The following MSANTD2 variants were observed in gnomAD, a reference collection of about 807,000 sequenced individuals.
The protein encoded by MSANTD2 is myb/SANT-like DNA-binding domain-containing protein 2.
A neutral mutation model predicts 52.6 loss-of-function variants in MSANTD2; 19 were observed. The observed-to-expected ratio is 0.36, with a 90% CI of 0.25 to 0.53. MSANTD2 has a LOEUF of 0.53. Among genes scored for constraint, MSANTD2 ranks in the 20% least tolerant of loss-of-function variants. MSANTD2 has a pLI of 0.91. For synonymous variants in MSANTD2, 291 were observed against 289.7 expected, an observed-to-expected ratio of 1.00 and a Z score of -0.04; for missense variants, 558 against 716.3, an observed-to-expected ratio of 0.78 and a Z score of 2.52.
chr11:124,787,541 C>T lies in MSANTD2; in HGVS notation c.510+12330G>A, dbSNP rs147240455. On this transcript the variant is annotated intron_variant, in intron 1 of 3. Transcript: ENST00000374979. ...GACTATAGGTGTGCACCACCAAACC[C>T]GGCTAATTTTTGTATTTTTAGTAGA... 7.9e-5 allele frequency among the ~76,000 whole-genome samples: 12 copies of T among 152,214 alleles called. No homozygotes were observed. In the East Asian group the frequency reaches 1.7e-3, roughly 22 times the overall value.
intron 1 of MSANTD2, chr11:124,791,878 G>A: frequency 2.4e-6 from 1 of 412,304 alleles, no homozygotes; most frequent in Non-Finnish European, 4.6e-6. Context: ...TGGAGTGTCT[G>A]CCTTCAATTA....
intron 1 of MSANTD2, chr11:124,775,873 T>C (rs1274915670): frequency 6.6e-6 from 1 of 152,266 alleles, no homozygotes; most frequent in Non-Finnish European, 1.5e-5. Flanking sequence ...CCATGGTCTT[T>C]ATTTCTAACA....
At chr11:124,787,135 T>C (rs907966849) in intron 1 of MSANTD2, among the ~76,000 whole-genome samples, 3 of 152,182 alleles carry the variant, frequency 2.0e-5, no homozygotes, top group Non-Finnish European at 2.9e-5. Context: ...ATTATTATAA[T>C]TATTACAAAA....
At chr11:124,782,853 CTAAAA>C (rs1945027793) in intron 1 of MSANTD2, among the ~76,000 whole-genome samples, 4 of 152,098 alleles carry the variant, frequency 2.6e-5, no homozygotes, top group Admixed American at 2.6e-4. Flanking sequence ...CATTGCTTAA[CTAAAA>C]TAAATTATCA....
chr11:124,779,009 T>A lies in MSANTD2; in HGVS notation c.511-4035A>T, dbSNP rs61910628. The A allele has an allele frequency of 6.6e-6, 1 of 152,094 alleles. No homozygotes were observed. The highest frequency in any genetic ancestry group is 2.4e-5 in the African/African-American group (1 of 41,392). 9.4% of individuals were successfully genotyped at this position (152,094 alleles called of 1,614,324 possible). A position where few individuals can be genotyped will look rare whatever the true frequency, so the allele number is the denominator to read the frequency against. ...GCACAATGCAGCTATCTTGCCAAAG[T>A]AAGTAAATCCAGTATTGGGTTGTAT... On this transcript the variant is annotated intron_variant, in intron 1 of 3. Transcript: ENST00000374979. The surrounding 1 kb of genome is among the most constrained non-coding windows in gnomAD (Gnocchi z 4.6).
At chr11:124,795,185 A>G (rs1051517989) in intron 1 of MSANTD2, among the ~76,000 whole-genome samples, 1 of 152,124 alleles carries the variant, frequency 6.6e-6, no homozygotes, top group Admixed American at 6.6e-5. Flanking sequence ...GGCCTCTTTT[A>G]CCATTTTTAA....
chr11:124,784,346 A>G, intron 1 of MSANTD2: 1 of 984,766 alleles, frequency 1.0e-6, no homozygotes. Context: ...TTAGTATGTG[A>G]TATCTAAAAC....
In MSANTD2 at chr11:124,774,193, A is replaced by C. The variant is rs548101913; in HGVS notation, c.766+526T>G. Among the ~76,000 whole-genome samples the C allele has an allele frequency of 1.3e-5, 2 of 152,344 alleles. No homozygotes were observed. Among genetic ancestry groups the C allele is most frequent in the Admixed American group, 6.5e-5 (1 of 15,302 alleles). On this transcript the variant is annotated intron_variant, in intron 2 of 3. Coordinates refer to ENST00000374979, the MANE Select transcript of MSANTD2 (RefSeq NM_001308027.2). This position sits in a 1 kb window ranked among gnomAD's most constrained non-coding sequence, Gnocchi z 5.1. ...TCAAATAACAGCTCTATTCAAGATA[A>C]ATGGAGGCTTCCCCTCATTTTGTGT...
rs190693423 is a variant in MSANTD2 at position 124,768,187 on chromosome 11, G to T, written c.828-159C>A. ...GGTATTACATTTTTAATTATATTTA[G>T]TTTAAAATTACATTTAAATAGCCAC... On this transcript the variant is annotated intron_variant, in intron 3 of 3. Coordinates refer to ENST00000374979, the MANE Select transcript of MSANTD2 (RefSeq NM_001308027.2). Among the ~76,000 whole-genome samples, 27 of 152,266 alleles carry T rather than the reference G, an allele frequency of 1.8e-4. No individual in the cohort carries two copies. The East Asian group carries it at 5.0e-3, about 28-fold the overall frequency.
In MSANTD2 at chr11:124,793,239, CAA is replaced by C. The variant is rs1395779268; in HGVS notation, c.510+6630_510+6631del. 5.3e-5 allele frequency among the ~76,000 whole-genome samples: 8 copies of C among 152,268 alleles called. No individual in the cohort carries two copies. In the South Asian group the frequency reaches 8.3e-4, roughly 16 times the overall value. On this transcript the variant is annotated intron_variant, in intron 1 of 3. Transcript: ENST00000374979. Reference sequence around the variant, plus strand: ...AATATTTCCTAAACAGCAAAAATTTCAAGAGACAGTTGATAAAACTCACAAAT... The same window carrying C: ...AATATTTCCTAAACAGCAAAAATTTCGAGACAGTTGATAAAACTCACAAAT...
intron 1 of MSANTD2, among the ~76,000 whole-genome samples, chr11:124,794,108 T>C (rs1945418871): frequency 6.6e-6 from 1 of 152,230 alleles, no homozygotes; most frequent in Non-Finnish European, 1.5e-5. Context: ...GCTATCATAC[T>C]GAACTGAGGT....
rs542904087 is a variant in MSANTD2 at position 124,785,539 on chromosome 11, T to G, written c.511-10565A>C. Among the ~76,000 whole-genome samples, 3 of 152,232 alleles carry G rather than the reference T, an allele frequency of 2.0e-5. No individual in the cohort carries two copies. The South Asian group carries it at 6.2e-4, about 32-fold the overall frequency. On this transcript the variant is annotated intron_variant, in intron 1 of 3. Coordinates refer to ENST00000374979, the MANE Select transcript of MSANTD2 (RefSeq NM_001308027.2). Reference sequence around the variant, plus strand: ...AGAGTTATACCGAATTGAGGCAAGGTTGGACCTTGGTATTTCAGCACTGAC... The same window carrying G: ...AGAGTTATACCGAATTGAGGCAAGGGTGGACCTTGGTATTTCAGCACTGAC...
intron 1 of MSANTD2, chr11:124,789,987 A>C (rs1301083818): frequency 6.6e-6 from 1 of 152,260 alleles, no homozygotes; most frequent in Non-Finnish European, 1.5e-5. Context: ...AGTTCTTTAG[A>C]GTACTAGTCT....
chr11:124,779,822 C>A lies in MSANTD2; in HGVS notation c.511-4848G>T, dbSNP rs1245769227. ...CAAATGATTAAAGAGCACACTTATT[C>A]ACAAACAAGGCCTTAAAAATCACAT... is the stretch of plus-strand genomic sequence containing the variant. On this transcript the variant is annotated intron_variant, in intron 1 of 3. Transcript: ENST00000374979. This position sits in a 1 kb window ranked among gnomAD's most constrained non-coding sequence, Gnocchi z 4.6. Among the ~76,000 whole-genome samples the A allele has an allele frequency of 6.6e-6, 1 of 152,150 alleles. No individual in the cohort carries two copies. Among genetic ancestry groups the A allele is most frequent in the Non-Finnish European group, 1.5e-5 (1 of 68,016 alleles).
At chr11:124,799,233 G>A (rs1053387167) in intron 1 of MSANTD2, among the ~76,000 whole-genome samples, 2 of 152,170 alleles carry the variant, frequency 1.3e-5, no homozygotes, top group Non-Finnish European at 2.9e-5. Flanking sequence ...TCTTGGCCAA[G>A]CTAACTTTTA....
intron 1 of MSANTD2, among the ~76,000 whole-genome samples, chr11:124,776,533 G>T (rs1272083314): frequency 6.6e-6 from 1 of 152,216 alleles, no homozygotes; most frequent in Non-Finnish European, 1.5e-5. Flanking sequence ...CCGACCTCAG[G>T]TGATCCGCCC....
chr11:124,767,956 G>C lies in MSANTD2; in HGVS notation c.900C>G (p.Ser300Arg). Reference protein sequence around the residue: ...SVQLKWELFQSWTDFSRLHLS... With the variant: ...SVQLKWELFQRWTDFSRLHLS... ...GATGGAGCCTTGAAAAGTCTGTCCA[G>C]CTCTGAAAAAGTTCCCATTTCAACT... Residue 300 changes from serine (S) to arginine (R), a missense_variant, in exon 4 of 4, where the codon AGC (serine) becomes AGG (arginine). Physicochemically the swap from Ser to Arg is moderately radical, Grantham distance 110. Coordinates refer to ENST00000374979, the MANE Select transcript of MSANTD2 (RefSeq NM_001308027.2). This position sits in a 1 kb window ranked among gnomAD's most constrained non-coding sequence, Gnocchi z 6.5. 6.2e-7 allele frequency: 1 copy of C among 1,614,118 alleles called. No individual in the cohort carries two copies. Among genetic ancestry groups the C allele is most frequent in the Non-Finnish European group, 8.5e-7 (1 of 1,179,978 alleles).
chr11:124,769,369 A>G (rs987506621), intron 3 of MSANTD2, among the ~76,000 whole-genome samples: 1 of 152,154 alleles, frequency 6.6e-6, no homozygotes, highest in Non-Finnish European at 1.5e-5. Context: ...GGCTATCTAG[A>G]TGAAATCACT....
intron 3 of MSANTD2, among the ~76,000 whole-genome samples, chr11:124,771,882 G>T (rs142900551): frequency 5.3e-5 from 8 of 152,294 alleles, no homozygotes; most frequent in African/African-American, 1.9e-4. Context: ...AAGAATAAGT[G>T]GGTGCTATCA....
Sources: gnomAD v4.1 joint callset for allele counts (sites outside exome capture counted in the v4.1 genomes callset) on GRCh38, gnomAD v4.1.1 for gene constraint, Gnocchi (gnomAD v3.1) non-coding constraint, MANE v1.5 for transcripts, NCBI Gene and HGNC (gene_info 2026-07-23, HGNC 2026-07-21) for gene names.